The following TP53INP2 variants were observed in gnomAD, a reference collection of about 807,000 sequenced individuals.
TP53INP2 encodes the protein tumor protein p53 inducible nuclear protein 2, also known as tumor protein p53-inducible nuclear protein 2.
Under a neutral mutation model 17.1 loss-of-function variants are expected in TP53INP2, and 12 were observed. The ratio of observed to expected loss-of-function variants is 0.70; its 90% CI spans 0.45 to 1.14. The LOEUF is 1.14. Among genes scored for constraint, TP53INP2 ranks in the 50% most tolerant of loss-of-function variants. TP53INP2 has a pLI of 0.00. For synonymous variants in TP53INP2, 145 were observed against 147.3 expected, an observed-to-expected ratio of 0.98 and a Z score of 0.12; for missense variants, 342 against 330.9, an observed-to-expected ratio of 1.03 and a Z score of -0.26.
rs1988114337 is a variant in TP53INP2, at chr20:34,709,614, G to A, written c.413+90G>A. The A allele has an allele frequency of 1.6e-5, 23 of 1,461,080 alleles. No individual in the cohort carries two copies. In the South Asian group the frequency reaches 2.9e-4, roughly 19 times the overall value. The allele number at this position is 1,461,080 out of a possible 1,614,324, so 90.5% of individuals were successfully genotyped here. A position where few individuals can be genotyped will look rare whatever the true frequency, so the allele number is the denominator to read the frequency against. On this transcript the variant is annotated intron_variant, in intron 4 of 4. Coordinates refer to ENST00000374810, the MANE Select transcript of TP53INP2 (RefSeq NM_021202.3). The surrounding 1 kb of genome is among the most constrained non-coding windows in gnomAD (Gnocchi z 5.4). ...CTAGGAGGCTGGGGTAGTGGGGCCA[G>A]GAGCCCGCCCCGCGCTCGAGGGGGT...
rs770002808 is a variant in TP53INP2, at chr20:34,710,229, C to T, written c.585C>T (p.Ala195=). The T allele has an allele frequency of 6.7e-7, 1 of 1,488,132 alleles. No individual in the cohort carries two copies. Among genetic ancestry groups the T allele is most frequent in the Admixed American group, 2.0e-5 (1 of 50,316 alleles). 92.2% of individuals were successfully genotyped at this position (1,488,132 alleles called of 1,614,324 possible). Residue 195 remains alanine, a synonymous_variant, in exon 5 of 5, where the codon GCC becomes GCT. Coordinates refer to ENST00000374810, the MANE Select transcript of TP53INP2 (RefSeq NM_021202.3). The surrounding 1 kb of genome is among the most constrained non-coding windows in gnomAD (Gnocchi z 4.9). The part of the protein sequence containing the change: ...SAKAVQRQNR[A]RESRPRRSKN... ...AGGCGGTGCAGCGGCAGAACCGAGC[C>T]CGCGAGAGCCGTCCGCGCCGGTCCA...
At chr20:34,707,962 C>T (rs1988037649) in intron 2 of TP53INP2, among the ~76,000 whole-genome samples, 3 of 152,150 alleles carry the variant, frequency 2.0e-5, no homozygotes, top group Admixed American at 6.5e-5. Context: ...GGGTTCACCA[C>T]GTTGGCCAGG....
chr20:34,709,178 T>TGC lies in TP53INP2; in HGVS notation c.125-57_125-56insCG, dbSNP rs1568684611. 6.7e-7 allele frequency: 1 copy of TGC among 1,492,206 alleles called. No homozygotes were observed. Among genetic ancestry groups the TGC allele is most frequent in the Non-Finnish European group, 8.9e-7 (1 of 1,120,994 alleles). The allele number at this position is 1,492,206 out of a possible 1,614,324, so 92.4% of individuals were successfully genotyped here. A position where few individuals can be genotyped will look rare whatever the true frequency, so the allele number is the denominator to read the frequency against. On this transcript the variant is annotated intron_variant, in intron 3 of 4. Transcript: ENST00000374810. The surrounding 1 kb of genome is among the most constrained non-coding windows in gnomAD (Gnocchi z 5.4). Reference sequence around the variant, plus strand: ...CTTGTCCGGTGTGTGTGTGTGTGTGTGTGTGTGCCTCCTCGCTGCTCCCCT... The same window carrying TGC: ...CTTGTCCGGTGTGTGTGTGTGTGTGTGCGTGTGTGCCTCCTCGCTGCTCCCCT...
rs901209462 is a variant in TP53INP2, at chr20:34,709,152, C to T, written c.125-84C>T. The T allele has an allele frequency of 6.3e-6, 9 of 1,424,044 alleles. No homozygotes were observed. In the African/African-American group the frequency reaches 1.6e-4, roughly 25 times the overall value. 88.2% of individuals were successfully genotyped at this position (1,424,044 alleles called of 1,614,324 possible). ...AACGATGCCCTTTCTCTCCCCGCCC[C>T]CTTGTCCGGTGTGTGTGTGTGTGTG... On this transcript the variant is annotated intron_variant, in intron 3 of 4. Coordinates refer to ENST00000374810, the MANE Select transcript of TP53INP2 (RefSeq NM_021202.3). The surrounding 1 kb of genome is among the most constrained non-coding windows in gnomAD (Gnocchi z 5.4).
At position 34,709,404 on chromosome 20, in the gene TP53INP2, ACCT is replaced by A; in HGVS notation, c.298_300del (p.Leu100del). On this transcript the variant is annotated inframe_deletion, in exon 4 of 5. Coordinates refer to ENST00000374810, the MANE Select transcript of TP53INP2 (RefSeq NM_021202.3). The surrounding 1 kb of genome is among the most constrained non-coding windows in gnomAD (Gnocchi z 5.4). Reference sequence around the variant, plus strand: ...CGCCTCCAGAGCAGTCCCCTGGAGGACCTCCTCATCGAGCACCCCAGCATGTCC... The same window carrying A: ...CGCCTCCAGAGCAGTCCCCTGGAGGACCTCATCGAGCACCCCAGCATGTCC... 1.2e-6 allele frequency: 2 copies of A among 1,613,438 alleles called. No individual in the cohort carries two copies. Among genetic ancestry groups the A allele is most frequent in the Non-Finnish European group, 1.7e-6 (2 of 1,179,794 alleles).
In TP53INP2 at chr20:34,710,177, G is replaced by C; in HGVS notation, c.533G>C (p.Arg178Pro). Residue 178 changes from arginine to proline, a missense_variant, in exon 5 of 5, where the codon CGG (arginine) becomes CCG (proline). Coordinates refer to ENST00000374810, the MANE Select transcript of TP53INP2 (RefSeq NM_021202.3). The surrounding 1 kb of genome is among the most constrained non-coding windows in gnomAD (Gnocchi z 4.9). Reference sequence around the variant, plus strand: ...CGGCGGCTGCAGCGGGCCCGGCAGCGGGCAGAGCGCCACGCGCTGAGCGCC... The same window carrying C: ...CGGCGGCTGCAGCGGGCCCGGCAGCCGGCAGAGCGCCACGCGCTGAGCGCC... ...QVRRLQRARQ[R>P]AERHALSAKA... 2 of 1,364,196 alleles carry C rather than the reference G, an allele frequency of 1.5e-6. No homozygotes were observed. The highest frequency in any genetic ancestry group is 1.9e-6 in the Non-Finnish European group (2 of 1,048,064). 84.5% of individuals were successfully genotyped at this position (1,364,196 alleles called of 1,614,324 possible).
rs139891548 is a variant in TP53INP2 at position 34,713,352 on chromosome 20, C to T, written c.*3045C>T. 6.5e-5 allele frequency: 10 copies of T among 152,688 alleles called. No individual in the cohort carries two copies. In the East Asian group the frequency reaches 1.9e-3, roughly 29 times the overall value. The allele number at this position is 152,688 out of a possible 1,614,324, so 9.5% of individuals were successfully genotyped here. A position where few individuals can be genotyped will look rare whatever the true frequency, so the allele number is the denominator to read the frequency against. ...GCCTGTGTATGTGTGTAACAGAATT[C>T]TGATTGTTAGACTGTAATGCTATTC... is the stretch of plus-strand genomic sequence containing the variant. On this transcript the variant is annotated 3_prime_UTR_variant, in exon 5 of 5. Coordinates refer to ENST00000374810, the MANE Select transcript of TP53INP2 (RefSeq NM_021202.3).
At position 34,709,297 on chromosome 20, in the gene TP53INP2, C is replaced by G. The variant is rs369981396; in HGVS notation, c.186C>G (p.Pro62=). ...CTGCCCCCGCGGGCCGCCCTCCGCC[C>G]GCGCCCTCCTTGATGGACGAGAGCT... is the stretch of plus-strand genomic sequence containing the variant. ...AAPAPAGRPP[P]APSLMDESWF... The change falls in exon 4 of 5, where the codon CCC becomes CCG. Residue 62 remains proline, a synonymous_variant. Transcript: ENST00000374810. The surrounding 1 kb of genome is among the most constrained non-coding windows in gnomAD (Gnocchi z 5.4). The G allele has an allele frequency of 4.3e-5, 69 of 1,610,792 alleles. No individual in the cohort carries two copies. The Middle Eastern group carries it at 6.6e-4, about 15-fold the overall frequency.
At chr20:34,706,033 T>C (rs1342304270) in intron 2 of TP53INP2, among the ~76,000 whole-genome samples, 3 of 152,164 alleles carry the variant, frequency 2.0e-5, no homozygotes, top group African/African-American at 7.2e-5. Flanking sequence ...CTCCCTCCCC[T>C]AAACCTATCT....
Position 34,709,160 on chromosome 20 carries a change from G to GGTGTGT in TP53INP2, c.125-56_125-51dup, listed in dbSNP as rs72441151. On this transcript the variant is annotated intron_variant, in intron 3 of 4. Coordinates refer to ENST00000374810, the MANE Select transcript of TP53INP2 (RefSeq NM_021202.3). This position sits in a 1 kb window ranked among gnomAD's most constrained non-coding sequence, Gnocchi z 5.4. ...CCTTTCTCTCCCCGCCCCCTTGTCC[G>GGTGTGT]GTGTGTGTGTGTGTGTGTGTGTGTG... 4 of 1,360,074 alleles carry GGTGTGT rather than the reference G, an allele frequency of 2.9e-6. No individual in the cohort carries two copies. Among genetic ancestry groups the GGTGTGT allele is most frequent in the Non-Finnish European group, 9.7e-7 (1 of 1,026,030 alleles). 84.3% of individuals were successfully genotyped at this position (1,360,074 alleles called of 1,614,324 possible).
In TP53INP2 at chr20:34,710,578, T is replaced by G. The variant is rs1239156245; in HGVS notation, c.*271T>G. ...GGCCCCTCCATCCTTTCTTCTCTGGTCCCCATCCCTGTCTCTCCCTTTCAC... is the reference window on the plus strand; with the variant it reads ...GGCCCCTCCATCCTTTCTTCTCTGGGCCCCATCCCTGTCTCTCCCTTTCAC... On this transcript the variant is annotated 3_prime_UTR_variant, in exon 5 of 5. Transcript: ENST00000374810. This position sits in a 1 kb window ranked among gnomAD's most constrained non-coding sequence, Gnocchi z 4.9. 1 of 331,742 alleles carries G rather than the reference T, an allele frequency of 3.0e-6. No homozygotes were observed. The highest frequency in any genetic ancestry group is 5.4e-6 in the Non-Finnish European group (1 of 184,230). 20.5% of individuals were successfully genotyped at this position (331,742 alleles called of 1,614,324 possible). A position where few individuals can be genotyped will look rare whatever the true frequency, so the allele number is the denominator to read the frequency against.
At position 34,710,281 on chromosome 20, in the gene TP53INP2, C is replaced by T; in HGVS notation, c.637C>T (p.Pro213Ser). 1 of 1,426,024 alleles carries T rather than the reference C, an allele frequency of 7.0e-7. No individual in the cohort carries two copies. Among genetic ancestry groups the T allele is most frequent in the South Asian group, 1.5e-5 (1 of 65,296 alleles). The allele number at this position is 1,426,024 out of a possible 1,614,324, so 88.3% of individuals were successfully genotyped here. Residue 213 changes from proline to serine, a missense_variant, in exon 5 of 5, where the codon CCG becomes TCG. Physicochemically the swap from Pro to Ser is moderately conservative, Grantham distance 74. Coordinates refer to ENST00000374810, the MANE Select transcript of TP53INP2 (RefSeq NM_021202.3). The surrounding 1 kb of genome is among the most constrained non-coding windows in gnomAD (Gnocchi z 4.9). Reference sequence around the variant, plus strand: ...GAACCAGAGCAGCTTCATCTACCAGCCGTGCCAGCGCCAGTTCAACTACTG... The same window carrying T: ...GAACCAGAGCAGCTTCATCTACCAGTCGTGCCAGCGCCAGTTCAACTACTG... Reference protein sequence around the residue: ...SKNQSSFIYQPCQRQFNY With the variant: ...SKNQSSFIYQSCQRQFNY
chr20:34,710,139 G>T lies in TP53INP2; in HGVS notation c.495G>T (p.Lys165Asn). 1 of 1,271,252 alleles carries T rather than the reference G, an allele frequency of 7.9e-7. No individual in the cohort carries two copies. The highest frequency in any genetic ancestry group is 9.9e-7 in the Non-Finnish European group (1 of 1,010,198). The allele number at this position is 1,271,252 out of a possible 1,614,324, so 78.7% of individuals were successfully genotyped here. ...PLPARAALLE[K>N]AGQVRRLQRA... ...CAGCGCGGGCGGCGCTGCTGGAGAAGGCGGGCCAGGTGCGGCGGCTGCAGC... is the reference window on the plus strand; with the variant it reads ...CAGCGCGGGCGGCGCTGCTGGAGAATGCGGGCCAGGTGCGGCGGCTGCAGC... Residue 165 changes from lysine (K) to asparagine (N), a missense_variant, in exon 5 of 5, where the codon AAG becomes AAT. Coordinates refer to ENST00000374810, the MANE Select transcript of TP53INP2 (RefSeq NM_021202.3). The surrounding 1 kb of genome is among the most constrained non-coding windows in gnomAD (Gnocchi z 4.9).
rs573203491 is a variant in TP53INP2, at chr20:34,705,385, T to G, written c.-139T>G. ...AATCTCTGGAGATTGGTTCACCTTT[T>G]GTGGTCCTGACCCCTTCTGTCCTCA... On this transcript the variant is annotated 5_prime_UTR_variant, in exon 2 of 5. Coordinates refer to ENST00000374810, the MANE Select transcript of TP53INP2 (RefSeq NM_021202.3). 6.6e-6 allele frequency: 1 copy of G among 152,394 alleles called. No homozygotes were observed. Among genetic ancestry groups the G allele is most frequent in the Admixed American group, 6.5e-5 (1 of 15,304 alleles). 9.4% of individuals were successfully genotyped at this position (152,394 alleles called of 1,614,324 possible).
In TP53INP2 at chr20:34,713,351, T is replaced by C. The variant is rs1407888594; in HGVS notation, c.*3044T>C. On this transcript the variant is annotated 3_prime_UTR_variant, in exon 5 of 5. Transcript: ENST00000374810. ...TGCCTGTGTATGTGTGTAACAGAAT[T>C]CTGATTGTTAGACTGTAATGCTATT... 1.3e-5 allele frequency: 2 copies of C among 152,582 alleles called. No homozygotes were observed. Among genetic ancestry groups the C allele is most frequent in the Non-Finnish European group, 1.5e-5 (1 of 68,038 alleles). The allele number at this position is 152,582 out of a possible 1,614,324, so 9.5% of individuals were successfully genotyped here.
intron 2 of TP53INP2, among the ~76,000 whole-genome samples, chr20:34,707,069 T>A (rs1988019729): frequency 6.6e-6 from 1 of 152,094 alleles, no homozygotes; most frequent in Non-Finnish European, 1.5e-5. Flanking sequence ...CCTCTTCATC[T>A]TCACCCAGGG....
Position 34,710,293 on chromosome 20 carries a change from C to T in TP53INP2, c.649C>T (p.Gln217Ter), listed in dbSNP as rs1988154203. The change falls in exon 5 of 5, where the codon CAG becomes TAG. Residue 217 changes from glutamine (Q) to a stop codon, truncating the protein, a stop_gained. Coordinates refer to ENST00000374810, the MANE Select transcript of TP53INP2 (RefSeq NM_021202.3). LOFTEE classifies it high-confidence loss of function. The surrounding 1 kb of genome is among the most constrained non-coding windows in gnomAD (Gnocchi z 4.9). ...CTTCATCTACCAGCCGTGCCAGCGCCAGTTCAACTACTGAGCGTCCACCGG... is the reference window on the plus strand; with the variant it reads ...CTTCATCTACCAGCCGTGCCAGCGCTAGTTCAACTACTGAGCGTCCACCGG... ...SSFIYQPCQR[Q>*]FNY 3 of 1,406,254 alleles carry T rather than the reference C, an allele frequency of 2.1e-6. No individual in the cohort carries two copies. The highest frequency in any genetic ancestry group is 2.8e-6 in the Non-Finnish European group (3 of 1,068,026). The allele number at this position is 1,406,254 out of a possible 1,614,324, so 87.1% of individuals were successfully genotyped here.
At chr20:34,706,940 C>T (rs1019366337) in intron 2 of TP53INP2, among the ~76,000 whole-genome samples, 3 of 152,118 alleles carry the variant, frequency 2.0e-5, no homozygotes, top group African/African-American at 7.2e-5. Context: ...GCTTCAGGTA[C>T]TGGGGGAGTA....
intron 1 of TP53INP2, chr20:34,704,885 GAGA>G (rs1987974322): frequency 6.6e-6 from 1 of 152,464 alleles, no homozygotes; most frequent in South Asian, 2.1e-4. Context: ...TTTGCAACCT[GAGA>G]AGGAGTCAGA....
Sources: gnomAD v4.1 joint callset for allele counts (sites outside exome capture counted in the v4.1 genomes callset) on GRCh38, gnomAD v4.1.1 for gene constraint, Gnocchi (gnomAD v3.1) non-coding constraint, MANE v1.5 for transcripts, NCBI Gene and HGNC (gene_info 2026-07-23, HGNC 2026-07-21) for gene names.